Variants in SRSF10 observed in about 807,000 individuals in gnomAD.
SRSF10 encodes the protein serine/arginine-rich splicing factor 10.
Under a neutral mutation model 32.6 loss-of-function variants are expected in SRSF10, and 9 were observed. That is an observed-to-expected ratio of 0.28 (90% CI 0.17 to 0.48). The LOEUF is 0.48. SRSF10 is among the 20% of genes least tolerant of loss of function. The probability of loss-of-function intolerance (pLI) is 0.99; values close to 1 mark genes in which losing one functional copy is unlikely to be tolerated. For synonymous variants in SRSF10, 105 were observed against 112.4 expected (o/e 0.93, Z 0.42); for missense variants, 201 against 331.8 (o/e 0.61, Z 3.06).
Position 23,970,865 on chromosome 1 carries a change from C to G in SRSF10, c.*277G>C. On this transcript the variant is annotated 3_prime_UTR_variant, in exon 6 of 6. Coordinates refer to ENST00000492112, the MANE Select transcript of SRSF10 (RefSeq NM_054016.4). ...GTTGCAAATTATGGTCAACCAACAT[C>G]TTTTCACCAAATACTTCAAGCATAA... The G allele has an allele frequency of 8.6e-7, 1 of 1,166,202 alleles. No homozygotes were observed. The highest frequency in any genetic ancestry group is 1.1e-6 in the Non-Finnish European group (1 of 946,700). 72.2% of individuals were successfully genotyped at this position (1,166,202 alleles called of 1,614,324 possible).
In SRSF10 at chr1:23,965,274, T is replaced by C. The variant is rs1198344811; in HGVS notation, c.*5868A>G. The C allele has an allele frequency of 6.6e-6, 1 of 151,988 alleles. No individual in the cohort carries two copies. The highest frequency in any genetic ancestry group is 1.5e-5 in the Non-Finnish European group (1 of 67,848). The allele number at this position is 151,988 out of a possible 1,614,324, so 9.4% of individuals were successfully genotyped here. On this transcript the variant is annotated 3_prime_UTR_variant, in exon 6 of 6. Transcript: ENST00000492112. ...CCTGAGCTATCACTCAAGTCACAGA[T>C]ACTTCAGAATATAATCTTAGGTTTT...
In SRSF10 at chr1:23,970,322, C is replaced by T; in HGVS notation, c.*820G>A. On this transcript the variant is annotated 3_prime_UTR_variant, in exon 6 of 6. Transcript: ENST00000492112. ...AGTGGGGTTAACAAAAGAACTAATC[C>T]ACACTGCATCAAAAATAATTATCAT... The T allele has an allele frequency of 2.0e-6, 2 of 984,262 alleles. No individual in the cohort carries two copies. Among genetic ancestry groups the T allele is most frequent in the Non-Finnish European group, 2.4e-6 (2 of 829,836 alleles). 61.0% of individuals were successfully genotyped at this position (984,262 alleles called of 1,614,324 possible). A position where few individuals can be genotyped will look rare whatever the true frequency, so the allele number is the denominator to read the frequency against.
intron 3 of SRSF10, among the ~76,000 whole-genome samples, chr1:23,973,784 A>G (rs1370157680): frequency 6.6e-6 from 1 of 152,336 alleles, no homozygotes; most frequent in Non-Finnish European, 1.5e-5. Flanking sequence ...TACAGTTCTA[A>G]GACCCTAAGT....
In SRSF10 at chr1:23,974,955, C is replaced by A; in HGVS notation, c.274+19G>T. On this transcript the variant is annotated intron_variant, in intron 3 of 5. Coordinates refer to ENST00000492112, the MANE Select transcript of SRSF10 (RefSeq NM_054016.4). ...CTAAAAAATAATGTTTCATACATAT[C>A]AGGCATAAGGGTACTTACTCTTTCG... is the stretch of plus-strand genomic sequence containing the variant. 1 of 1,532,478 alleles carries A rather than the reference C, an allele frequency of 6.5e-7. No homozygotes were observed. Among genetic ancestry groups the A allele is most frequent in the Non-Finnish European group, 9.0e-7 (1 of 1,109,134 alleles). The allele number at this position is 1,532,478 out of a possible 1,614,324, so 94.9% of individuals were successfully genotyped here.
rs1384965511 is a variant in SRSF10, at chr1:23,964,454, C to A, written c.*6688G>T. ...AAAATAGCTGGTACAGAGAACTTAC[C>A]ATGTAAGGCTGCTGAAGTCAGCCAT... On this transcript the variant is annotated 3_prime_UTR_variant, in exon 6 of 6. Coordinates refer to ENST00000492112, the MANE Select transcript of SRSF10 (RefSeq NM_054016.4). 6.6e-6 allele frequency among the ~76,000 whole-genome samples: 1 copy of A among 151,932 alleles called. No homozygotes were observed.
rs1404459165 is a variant in SRSF10 at position 23,968,095 on chromosome 1, G to A, written c.*3047C>T. 4.9e-6 allele frequency: 7 copies of A among 1,428,454 alleles called. No individual in the cohort carries two copies. The African/African-American group carries it at 8.6e-5, about 18-fold the overall frequency. 88.5% of individuals were successfully genotyped at this position (1,428,454 alleles called of 1,614,324 possible). On this transcript the variant is annotated 3_prime_UTR_variant, in exon 6 of 6. Coordinates refer to ENST00000492112, the MANE Select transcript of SRSF10 (RefSeq NM_054016.4). ...TACACAGTAGGTAAACTCAGTAAGT[G>A]GGGGACTCAACTACATCACCCAAAA...
intron 3 of SRSF10, among the ~76,000 whole-genome samples, chr1:23,974,765 G>A (rs1027688160): frequency 3.3e-5 from 5 of 151,694 alleles, no homozygotes; most frequent in Non-Finnish European, 5.9e-5. Flanking sequence ...GGAGGTGGTG[G>A]TTGCAGTGAG....
rs1331539342 is a variant in SRSF10 at position 23,968,628 on chromosome 1, T to C, written c.*2514A>G. 6.6e-6 allele frequency among the ~76,000 whole-genome samples: 1 copy of C among 152,194 alleles called. No homozygotes were observed. Among genetic ancestry groups the C allele is most frequent in the East Asian group, 1.9e-4 (1 of 5,206 alleles). ...AGTAGATAGAATTCAAACCACAAAA[T>C]ACCTAACCTACTTCCCCAAAGAGGT... On this transcript the variant is annotated 3_prime_UTR_variant, in exon 6 of 6. Coordinates refer to ENST00000492112, the MANE Select transcript of SRSF10 (RefSeq NM_054016.4).
rs200839092 is a variant in SRSF10, at chr1:23,977,749, AAG to A, written c.170+962_170+963del. On this transcript the variant is annotated intron_variant, in intron 2 of 5. Transcript: ENST00000492112. ...ACATCCTGTTACACTTTAACTTCAT[AAG>A]AGAGAGTGCATTTACACAAGACCAC... The A allele has an allele frequency of 1.6e-3, 466 of 298,846 alleles. 4 individuals carry two copies. The Admixed American group carries it at 0.023, about 15-fold the overall frequency. 18.5% of individuals were successfully genotyped at this position (298,846 alleles called of 1,614,324 possible).
At chr1:23,977,156 T>C (rs1191529136) in intron 2 of SRSF10, 1 of 152,054 alleles carries the variant, frequency 6.6e-6, no homozygotes, top group Non-Finnish European at 1.5e-5. Flanking sequence ...CCTGCAGGAG[T>C]AGTTTTTGGC....
chr1:23,980,050 C>G, intron 1 of SRSF10, 141 bp downstream of exon 1: 1 of 920,734 alleles, frequency 1.1e-6, no homozygotes, highest in Admixed American at 3.1e-5. Flanking sequence ...CGCTGCGCGG[C>G]CTAGTTCGGC....
At position 23,968,097 on chromosome 1, in the gene SRSF10, G is replaced by A. The variant is rs35233638; in HGVS notation, c.*3045C>T. 0.45 allele frequency: 632,758 copies of A among 1,409,546 alleles called. 144,256 individuals are homozygous for A. The highest frequency in any genetic ancestry group is 0.63 in the South Asian group (43,843 of 69,628). 87.3% of individuals were successfully genotyped at this position (1,409,546 alleles called of 1,614,324 possible). A position where few individuals can be genotyped will look rare whatever the true frequency, so the allele number is the denominator to read the frequency against. ...CACAGTAGGTAAACTCAGTAAGTGG[G>A]GGACTCAACTACATCACCCAAAACT... On this transcript the variant is annotated 3_prime_UTR_variant, in exon 6 of 6. Transcript: ENST00000492112.
At chr1:23,974,322 AT>A (rs1472832998) in intron 3 of SRSF10, among the ~76,000 whole-genome samples, 1 of 152,222 alleles carries the variant, frequency 6.6e-6, no homozygotes, top group East Asian at 1.9e-4. Flanking sequence ...CTAAGCCAGA[AT>A]TCACACACAG....
At position 23,971,493 on chromosome 1, in the gene SRSF10, T is replaced by C; in HGVS notation, c.492-54A>G. 2.5e-6 allele frequency: 4 copies of C among 1,587,908 alleles called. No individual in the cohort carries two copies. In the South Asian group the frequency reaches 4.7e-5, roughly 19 times the overall value. ...GAGTAAAAATTAGATTCTATATTAATCAAATTTGTTATTTTTAGAGCAAAA... is the reference window on the plus strand; with the variant it reads ...GAGTAAAAATTAGATTCTATATTAACCAAATTTGTTATTTTTAGAGCAAAA... On this transcript the variant is annotated intron_variant, in intron 5 of 5. Transcript: ENST00000492112.
Position 23,971,096 on chromosome 1 carries a change from G to T in SRSF10, c.*46C>A. On this transcript the variant is annotated 3_prime_UTR_variant, in exon 6 of 6. Transcript: ENST00000492112. ...TGATAATTTAAGTAAACCAAACTATGAGTAAATGAATGATACATGCCTAAA... is the reference window on the plus strand; with the variant it reads ...TGATAATTTAAGTAAACCAAACTATTAGTAAATGAATGATACATGCCTAAA... 1 of 1,535,630 alleles carries T rather than the reference G, an allele frequency of 6.5e-7. No homozygotes were observed. The highest frequency in any genetic ancestry group is 1.3e-5 in the South Asian group (1 of 76,902).
intron 2 of SRSF10, chr1:23,975,996 T>TTTA (rs1439919648): frequency 2.0e-5 from 3 of 152,210 alleles, no homozygotes; most frequent in Non-Finnish European, 4.4e-5. Flanking sequence ...AACTGCTGGC[T>TTTA]TTATATAGCT....
At position 23,970,888 on chromosome 1, in the gene SRSF10, TA is replaced by T. The variant is rs1308801219; in HGVS notation, c.*253del. The stretch of plus-strand genomic sequence containing the variant: ...ATCTTTTCACCAAATACTTCAAGCA[TA>T]AAAAATGAGAATCTTTACAAAAATA... On this transcript the variant is annotated 3_prime_UTR_variant, in exon 6 of 6. Coordinates refer to ENST00000492112, the MANE Select transcript of SRSF10 (RefSeq NM_054016.4). 1 of 1,196,798 alleles carries T rather than the reference TA, an allele frequency of 8.4e-7. No homozygotes were observed. The highest frequency in any genetic ancestry group is 3.7e-5 in the East Asian group (1 of 26,926). The allele number at this position is 1,196,798 out of a possible 1,614,324, so 74.1% of individuals were successfully genotyped here. A position where few individuals can be genotyped will look rare whatever the true frequency, so the allele number is the denominator to read the frequency against.
At chr1:23,972,044 A>G in intron 3 of SRSF10, 32 bp from the exon 4 acceptor site, 1 of 1,451,668 alleles carries the variant, frequency 6.9e-7, no homozygotes, top group Non-Finnish European at 9.1e-7. Flanking sequence ...AATATTTAAA[A>G]ATATTAAAAA....
At chr1:23,975,155 A>G in intron 2 of SRSF10, 78 bp from the exon 3 acceptor site, 1 of 1,088,648 alleles carries the variant, frequency 9.2e-7, no homozygotes, top group African/African-American at 1.6e-5. Flanking sequence ...GTCTGGAACA[A>G]TTCACAATCT....
Sources: gnomAD v4.1 joint callset for allele counts (sites outside exome capture counted in the v4.1 genomes callset) on GRCh38, gnomAD v4.1.1 for gene constraint, MANE v1.5 for transcripts, NCBI Gene and HGNC (gene_info 2026-07-23, HGNC 2026-07-21) for gene names.